The following LPIN1 variants were observed in gnomAD, a reference collection of about 807,000 sequenced individuals.
The protein encoded by LPIN1 is lipin 1.
Under a neutral mutation model 107.5 loss-of-function variants are expected in LPIN1, and 71 were observed. That is an observed-to-expected ratio of 0.66 (90% CI 0.55 to 0.80). The LOEUF (loss-of-function observed/expected upper bound fraction) is 0.80, where lower values mean the gene tolerates loss of function less well. Among genes scored for constraint, LPIN1 ranks in the 30% least tolerant of loss-of-function variants. The pLI is 0.00. For missense variants in LPIN1, 1,043 were observed against 1,160.6 expected (o/e 0.90, Z 1.47); for synonymous variants, 445 against 452.6 (o/e 0.98, Z 0.21).
rs764250252 is a variant in LPIN1 at position 11,791,952 on chromosome 2, A to G, written c.1752A>G (p.Lys584=). ...CTATCATGAGGGATAAAATGCCCAA[A>G]AAGGGAGGAAGATGGTGGTTTTCAT... ...VESIMRDKMP[K]KGGRWWFSWR... The change falls in exon 13 of 21, where the codon AAA becomes AAG. Residue 584 remains lysine, a synonymous_variant. Transcript: ENST00000674199. 3.7e-6 allele frequency: 6 copies of G among 1,614,118 alleles called. No homozygotes were observed. The highest frequency in any genetic ancestry group is 4.2e-6 in the Non-Finnish European group (5 of 1,179,972).
chr2:11,816,099 C>G (rs906492454), intron 18 of LPIN1: 1 of 152,184 alleles, frequency 6.6e-6, no homozygotes, highest in African/African-American at 2.4e-5. Flanking sequence ...GCTAATCATG[C>G]AAACAGTGGA....
At chr2:11,804,699 C>T (rs1474301295) in intron 16 of LPIN1, 128 bp downstream of exon 16, 2 of 974,862 alleles carry the variant, frequency 2.1e-6, no homozygotes, top group African/African-American at 3.2e-5. Flanking sequence ...GCAGTTGGAG[C>T]TCCTTACGTA....
chr2:11,704,392 C>G (rs1663026257), intron 1 of LPIN1, among the ~76,000 whole-genome samples: 1 of 152,140 alleles, frequency 6.6e-6, no homozygotes, highest in African/African-American at 2.4e-5. Context: ...GAGGCCCCAC[C>G]CGGGGGAGGC....
At chr2:11,806,309 GAGTGCCTGTT>G (rs1678672854) in intron 17 of LPIN1, among the ~76,000 whole-genome samples, 1 of 152,178 alleles carries the variant, frequency 6.6e-6, no homozygotes, top group Non-Finnish European at 1.5e-5. Flanking sequence ...AGCATTCCTT[GAGTGCCTGTT>G]AGTGCCTCAT....
upstream of LPIN1, among the ~76,000 whole-genome samples, chr2:11,720,131 C>A (rs1664025344): frequency 2.0e-5 from 3 of 152,124 alleles, no homozygotes; most frequent in Admixed American, 1.3e-4. Flanking sequence ...CCCTACTGTG[C>A]CTTGCATCCT....
Position 11,767,676 on chromosome 2 carries a change from G to GT in LPIN1, c.193-86dup, listed in dbSNP as rs1671141672. ...ACTTCAGGGTGTATGCGATGATAGC[G>GT]TATCTGTGGAGACTTGGCCGTCCCC... On this transcript the variant is annotated intron_variant, in intron 2 of 20. Coordinates refer to ENST00000674199, the MANE Select transcript of LPIN1 (RefSeq NM_001349206.2). The GT allele has an allele frequency of 6.1e-6, 5 of 817,224 alleles. No individual in the cohort carries two copies. In the East Asian group the frequency reaches 1.2e-4, roughly 20 times the overall value. 50.6% of individuals were successfully genotyped at this position (817,224 alleles called of 1,614,324 possible).
intron 5 of LPIN1, 147 bp downstream of exon 5, chr2:11,773,892 A>G: frequency 1.2e-6 from 1 of 858,178 alleles, no homozygotes; most frequent in Admixed American, 2.3e-5. Flanking sequence ...GGTACAGATT[A>G]GGATCAAACA....
intron 20 of LPIN1, 73 bp downstream of exon 20, chr2:11,820,587 G>A (rs776659689): frequency 4.6e-5 from 51 of 1,114,582 alleles, no homozygotes; most frequent in Middle Eastern, 3.9e-4. Flanking sequence ...CCCAGTTTGC[G>A]GTGTACCTTT....
At chr2:11,805,892 C>G (rs1032871750) in intron 17 of LPIN1, among the ~76,000 whole-genome samples, 2 of 152,228 alleles carry the variant, frequency 1.3e-5, no homozygotes, top group African/African-American at 4.8e-5. Flanking sequence ...CATGCCCCGC[C>G]CCTTCCGAAA....
chr2:11,763,773 T>C (rs1272904862), intron 1 of LPIN1, among the ~76,000 whole-genome samples: 2 of 151,876 alleles, frequency 1.3e-5, no homozygotes, highest in African/African-American at 2.4e-5. Flanking sequence ...TCCAGTCTGG[T>C]GGTTTTAAGC....
At chr2:11,693,804 A>AT (rs756993226) in intron 1 of LPIN1, among the ~76,000 whole-genome samples, 1,925 of 23,808 alleles carry the variant, frequency 0.081, 39 homozygotes, top group Non-Finnish European at 0.12. Context: ...ATATATATAT[A>AT]TATATATATA....
intron 1 of LPIN1, among the ~76,000 whole-genome samples, chr2:11,753,715 T>G (rs1227936497): frequency 6.6e-6 from 1 of 152,238 alleles, no homozygotes; most frequent in African/African-American, 2.4e-5. Context: ...CAGTCCACAA[T>G]GCTCTGAAAA....
chr2:11,690,431 G>A (rs534096329), intron 1 of LPIN1, among the ~76,000 whole-genome samples: 1 of 152,278 alleles, frequency 6.6e-6, no homozygotes, highest in African/African-American at 2.4e-5. Flanking sequence ...TCACTGTAAT[G>A]TGTAGGTGTA....
At chr2:11,781,301 A>G (rs1673534296) in intron 7 of LPIN1, among the ~76,000 whole-genome samples, 2 of 152,226 alleles carry the variant, frequency 1.3e-5, no homozygotes, top group Admixed American at 6.5e-5. Context: ...TGACCCAGCC[A>G]ACTCTCTTTG....
At chr2:11,767,430 ATCTT>A (rs1229431631) in intron 2 of LPIN1, 1 of 320,848 alleles carries the variant, frequency 3.1e-6, no homozygotes, top group African/African-American at 2.2e-5. Flanking sequence ...TCTCGGAGGA[ATCTT>A]TCTATTAGCT....
At chr2:11,711,853 C>T (rs1558740282) in intron 1 of LPIN1, among the ~76,000 whole-genome samples, 2 of 152,188 alleles carry the variant, frequency 1.3e-5, no homozygotes, top group Non-Finnish European at 1.5e-5. Flanking sequence ...TCATCCCTCT[C>T]CTCCTCTGTA....
At chr2:11,709,845 A>G (rs541126752) in intron 1 of LPIN1, among the ~76,000 whole-genome samples, 39 of 152,336 alleles carry the variant, frequency 2.6e-4, no homozygotes, top group African/African-American at 8.9e-4. Flanking sequence ...TGCACCATCA[A>G]TGAAACAGCA....
Position 11,787,125 on chromosome 2 carries a change from CT to C in LPIN1, c.1602del (p.Ile535LeufsTer9). On this transcript the variant is annotated frameshift_variant, in exon 11 of 21. Coordinates refer to ENST00000674199, the MANE Select transcript of LPIN1 (RefSeq NM_001349206.2). LOFTEE classifies it high-confidence loss of function. ...VSYQQFVDNP[A>X]IIDDPNLVVK... is the part of the protein sequence containing the mutation. ...TATCAACAGTTTGTGGACAACCCCG[CT>C]ATTATCGATGACCCCAATCTCGTGG... 6.2e-7 allele frequency: 1 copy of C among 1,614,114 alleles called. No homozygotes were observed. Among genetic ancestry groups the C allele is most frequent in the Non-Finnish European group, 8.5e-7 (1 of 1,179,970 alleles).
chr2:11,799,865 C>G (rs1677382205), intron 14 of LPIN1, among the ~76,000 whole-genome samples: 1 of 152,172 alleles, frequency 6.6e-6, no homozygotes, highest in Admixed American at 6.5e-5. Flanking sequence ...TTACCATGGG[C>G]TGGAAACCTG....
Sources: allele counts gnomAD v4.1 joint callset (sites outside exome capture counted in the v4.1 genomes callset), GRCh38; gene constraint gnomAD v4.1.1; transcripts MANE v1.5; gene names NCBI Gene and HGNC (gene_info 2026-07-23, HGNC 2026-07-21).